GPR21: variants seen among roughly 807,000 people sequenced by gnomAD.
GPR21 encodes probable G protein-coupled receptor 21.
Under a neutral mutation model 21.5 loss-of-function variants are expected in GPR21, and 9 were observed. The ratio of observed to expected loss-of-function variants is 0.42; its 90% CI spans 0.25 to 0.73. The LOEUF is 0.73. GPR21 is among the 30% of genes least tolerant of loss of function. The probability of loss-of-function intolerance (pLI) is 0.27; values close to 1 mark genes in which losing one functional copy is unlikely to be tolerated. For synonymous variants in GPR21, 169 were observed against 159.3 expected, an observed-to-expected ratio of 1.06 and a Z score of -0.46; for missense variants, 416 against 428.9, an observed-to-expected ratio of 0.97 and a Z score of 0.27.
the GPR21 span, among the ~76,000 whole-genome samples, chr9:123,047,864 A>AAT: frequency 9.5e-5 from 14 of 147,154 alleles, no homozygotes; most frequent in African/African-American, 3.2e-4. Flanking sequence ...ATTTTCATTT[A>AAT]ATATTTGTTA....
chr9:123,045,664 A>T, the GPR21 span, among the ~76,000 whole-genome samples: 88 of 152,296 alleles, frequency 5.8e-4, 1 homozygote, highest in East Asian at 0.016. Flanking sequence ...GTTTAAGATC[A>T]GTTGCATATT....
chr9:123,034,924 C>G lies in GPR21; in HGVS notation c.358C>G (p.Leu120Val), dbSNP rs1343587719. ...SVLKSVSMAS[L>V]ACISIDRYIA... The stretch of plus-strand genomic sequence containing the variant: ...TCTGAAGAGCGTCTCCATGGCTTCT[C>G]TGGCCTGTATCAGCATTGATAGATA... The change falls in exon 2 of 2, where the codon CTG becomes GTG. Residue 120 changes from leucine to valine, a missense_variant. Transcript: ENST00000616002. The G allele has an allele frequency of 2.5e-6, 4 of 1,613,082 alleles. No individual in the cohort carries two copies. The highest frequency in any genetic ancestry group is 2.5e-6 in the Non-Finnish European group (3 of 1,179,222).
chr9:123,044,860 C>G, the GPR21 span, among the ~76,000 whole-genome samples: 1 of 152,008 alleles, frequency 6.6e-6, no homozygotes, highest in Non-Finnish European at 1.5e-5. Flanking sequence ...TCTCCTCACC[C>G]CAGACCCCCT....
At chr9:123,039,402 G>A (rs954165229), downstream of GPR21, among the ~76,000 whole-genome samples, 6 of 152,112 alleles carry the variant, frequency 3.9e-5, no homozygotes, top group Admixed American at 3.9e-4. Context: ...GCTCAGAGCA[G>A]AAGTTTTAGT....
the GPR21 span, among the ~76,000 whole-genome samples, chr9:123,042,684 A>T: frequency 7.9e-5 from 12 of 152,204 alleles, no homozygotes; most frequent in Non-Finnish European, 1.3e-4. Flanking sequence ...AAAGCAAAAC[A>T]GTCGGAGGTT....
chr9:123,047,961 G>A, the GPR21 span, among the ~76,000 whole-genome samples: 2 of 85,152 alleles, frequency 2.3e-5, no homozygotes, highest in South Asian at 4.0e-4. Context: ...TTTTTGAGAC[G>A]GAGTCTTGCT....
In GPR21 at chr9:123,035,341, A is replaced by G; in HGVS notation, c.775A>G (p.Ser259Gly). ...RYAMVLFRITSVFYILWLPYI... is the reference protein window; with the variant it reads ...RYAMVLFRITGVFYILWLPYI... ...TGCCATGGTCCTGTTTCGAATCACTAGTGTATTTTACATCCTCTGGTTGCC... is the reference window on the plus strand; with the variant it reads ...TGCCATGGTCCTGTTTCGAATCACTGGTGTATTTTACATCCTCTGGTTGCC... The change falls in exon 2 of 2, where the codon AGT becomes GGT. Residue 259 changes from serine (S) to glycine (G), a missense_variant. Coordinates refer to ENST00000616002, the MANE Select transcript of GPR21 (RefSeq NM_005294.3). 6.2e-7 allele frequency: 1 copy of G among 1,614,066 alleles called. No homozygotes were observed. The highest frequency in any genetic ancestry group is 8.5e-7 in the Non-Finnish European group (1 of 1,180,006).
chr9:123,041,179 G>GT, the GPR21 span, among the ~76,000 whole-genome samples: 1 of 152,186 alleles, frequency 6.6e-6, no homozygotes, highest in African/African-American at 2.4e-5. Flanking sequence ...TTCCAACACT[G>GT]TAAGAGCTAG....
rs1348346565 is a variant in GPR21 at position 123,033,756 on chromosome 9, A to G, written c.-397+14A>G. On this transcript the variant is annotated intron_variant, in intron 1 of 1. Transcript: ENST00000616002. ...GCAGAATTACAGGTAACATTCTGAA[A>G]TTGAACTAAACAGTAAATTCTGTTG... 2.0e-5 allele frequency: 3 copies of G among 152,262 alleles called. No homozygotes were observed. The highest frequency in any genetic ancestry group is 7.2e-5 in the African/African-American group (3 of 41,466). The allele number at this position is 152,262 out of a possible 1,614,324, so 9.4% of individuals were successfully genotyped here.
In GPR21 at chr9:123,034,530, C is replaced by A. The variant is rs372653689; in HGVS notation, c.-37C>A. The A allele has an allele frequency of 3.0e-6, 4 of 1,327,988 alleles. No individual in the cohort carries two copies. The highest frequency in any genetic ancestry group is 1.9e-5 in the Admixed American group (1 of 51,654). 82.3% of individuals were successfully genotyped at this position (1,327,988 alleles called of 1,614,324 possible). On this transcript the variant is annotated 5_prime_UTR_variant, in exon 2 of 2. Transcript: ENST00000616002. ...CTTTGAACTGTTGGCAGCAGCCAAG[C>A]GGCAGCATGAAGTGACAGATCACTC...
Position 123,035,242 on chromosome 9 carries a change from A to G in GPR21, c.676A>G (p.Ser226Gly). The change falls in exon 2 of 2, where the codon AGC becomes GGC. Residue 226 changes from serine (S) to glycine (G), a missense_variant. Transcript: ENST00000616002. The stretch of plus-strand genomic sequence containing the variant: ...CTGCCAACAGCACACAAAGGATATC[A>G]GCGAAAGGCAAGCCCGCTTCAGCAG... Reference protein sequence around the residue: ...RICQQHTKDISERQARFSSQS... With the variant: ...RICQQHTKDIGERQARFSSQS... The G allele has an allele frequency of 6.2e-7, 1 of 1,614,216 alleles. No individual in the cohort carries two copies. Among genetic ancestry groups the G allele is most frequent in the Non-Finnish European group, 8.5e-7 (1 of 1,180,038 alleles).
Position 123,034,216 on chromosome 9 carries a change from T to C in GPR21, c.-351T>C. 3.4e-6 allele frequency: 1 copy of C among 290,190 alleles called. No homozygotes were observed. The highest frequency in any genetic ancestry group is 6.3e-6 in the Non-Finnish European group (1 of 158,098). 18.0% of individuals were successfully genotyped at this position (290,190 alleles called of 1,614,324 possible). A position where few individuals can be genotyped will look rare whatever the true frequency, so the allele number is the denominator to read the frequency against. On this transcript the variant is annotated 5_prime_UTR_variant, in exon 2 of 2. Coordinates refer to ENST00000616002, the MANE Select transcript of GPR21 (RefSeq NM_005294.3). ...ACAACTCCTGCTGAAGCTCCTAATC[T>C]TCTTCCCTTCTCTTCTACCCTTTCC...
At chr9:123,039,807 A>G (rs114202629), downstream of GPR21, among the ~76,000 whole-genome samples, 145 of 152,306 alleles carry the variant, frequency 9.5e-4, no homozygotes, top group African/African-American at 3.4e-3. Context: ...CAAAGGAACT[A>G]TAGAAAGCCT....
At chr9:123,042,678 C>CA in the GPR21 span, among the ~76,000 whole-genome samples, 7 of 151,998 alleles carry the variant, frequency 4.6e-5, no homozygotes, top group Non-Finnish European at 1.0e-4. Flanking sequence ...GATGAAAAAG[C>CA]AAAACAGTCG....
chr9:123,048,676 T>A, the GPR21 span, among the ~76,000 whole-genome samples: 1 of 152,266 alleles, frequency 6.6e-6, no homozygotes, highest in Non-Finnish European at 1.5e-5. Flanking sequence ...TTGCATATAA[T>A]AATTTTATGT....
chr9:123,037,832 A>G (rs1460218400), downstream of GPR21, among the ~76,000 whole-genome samples: 2 of 152,112 alleles, frequency 1.3e-5, no homozygotes, highest in African/African-American at 4.8e-5. Context: ...TTCATGTTTA[A>G]CTGAACTTTT....
At chr9:123,049,051 A>G in the GPR21 span, among the ~76,000 whole-genome samples, 1 of 152,248 alleles carries the variant, frequency 6.6e-6, no homozygotes, top group Non-Finnish European at 1.5e-5. Context: ...GATTGAAACA[A>G]TGTGATAGCA....
the GPR21 span, among the ~76,000 whole-genome samples, chr9:123,045,503 G>A: frequency 6.6e-6 from 1 of 152,062 alleles, no homozygotes; most frequent in Non-Finnish European, 1.5e-5. Context: ...TAATACTGAG[G>A]ATGTGTATTG....
chr9:123,035,489 A>G lies in GPR21; in HGVS notation c.923A>G (p.Asn308Ser), dbSNP rs1441463363. ...AACTGTGTAATTTATAGTCTCTCCA[A>G]CAGTGTATTCCAAAGAGGACTAAAG... is the stretch of plus-strand genomic sequence containing the variant. Reference protein sequence around the residue: ...FCNCVIYSLSNSVFQRGLKRL... With the variant: ...FCNCVIYSLSSSVFQRGLKRL... Residue 308 changes from asparagine (N) to serine (S), a missense_variant, in exon 2 of 2, where the codon AAC becomes AGC. Physicochemically the swap from Asn to Ser is conservative, Grantham distance 46. Coordinates refer to ENST00000616002, the MANE Select transcript of GPR21 (RefSeq NM_005294.3). 6.2e-7 allele frequency: 1 copy of G among 1,614,028 alleles called. No individual in the cohort carries two copies. The highest frequency in any genetic ancestry group is 1.1e-5 in the South Asian group (1 of 91,084).
Sources: gnomAD v4.1 joint callset for allele counts (sites outside exome capture counted in the v4.1 genomes callset) on GRCh38, gnomAD v4.1.1 for gene constraint, MANE v1.5 for transcripts, NCBI Gene and HGNC (gene_info 2026-07-23, HGNC 2026-07-21) for gene names.